EPC1: variants seen among roughly 807,000 people sequenced by gnomAD.
The protein encoded by EPC1 is enhancer of polycomb 1.
In EPC1, 12 loss-of-function variants were observed where a neutral mutation model predicts 98.4. The observed-to-expected ratio is 0.12, with a 90% CI of 0.08 to 0.20. EPC1 has a LOEUF of 0.20. EPC1 is among the 10% of genes least tolerant of loss of function. The probability of loss-of-function intolerance (pLI) is 1.00; values close to 1 mark genes in which losing one functional copy is unlikely to be tolerated. For synonymous variants in EPC1, 357 were observed against 363.9 expected (o/e 0.98, Z 0.21); for missense variants, 729 against 990.5 (o/e 0.74, Z 3.54).
chr10:32,299,238 T>G (rs1457110622), intron 2 of EPC1, among the ~76,000 whole-genome samples: 1 of 152,136 alleles, frequency 6.6e-6, no homozygotes, highest in African/African-American at 2.4e-5. Flanking sequence ...CAGACTGGAG[T>G]GCAGTGGCGT....
chr10:32,347,786 T>C (rs1157903287), upstream of EPC1, among the ~76,000 whole-genome samples: 22 of 152,244 alleles, frequency 1.4e-4, no homozygotes, highest in Admixed American at 1.4e-3. Context: ...TTATCAGCAG[T>C]TATTTTTATG....
chr10:32,275,898 T>C (rs1369832286), intron 10 of EPC1, among the ~76,000 whole-genome samples: 3 of 151,810 alleles, frequency 2.0e-5, no homozygotes, highest in East Asian at 1.9e-4. Flanking sequence ...TATCACACCA[T>C]TGCACTCTAA....
rs762448758 is a variant in EPC1 at position 32,287,116 on chromosome 10, G to A, written c.1134C>T (p.Asp378=). ...DLNQYDFPSS[D]EEPLSQVLSG... ...TTTGTACCTGGGAGAGAGGTTCTTC[G>A]TCTGAGCTGGGAAAGTCATACTGAT... Residue 378 remains aspartate (D), a synonymous_variant, in exon 7 of 14, where the codon GAC becomes GAT. Transcript: ENST00000319778. The A allele has an allele frequency of 1.1e-5, 17 of 1,614,044 alleles. No individual in the cohort carries two copies. The highest frequency in any genetic ancestry group is 6.7e-5 in the African/African-American group (5 of 74,908).
In EPC1 at chr10:32,285,042, A is replaced by G; in HGVS notation, c.1400T>C (p.Leu467Pro). 1 of 1,603,260 alleles carries G rather than the reference A, an allele frequency of 6.2e-7. No individual in the cohort carries two copies. The highest frequency in any genetic ancestry group is 8.5e-7 in the Non-Finnish European group (1 of 1,173,852). Residue 467 changes from leucine (L) to proline (P), a missense_variant, in exon 10 of 14, where the codon CTG becomes CCG. This residue lies in a region of EPC1 where 390 missense variants were observed against 438.6 expected (regional missense o/e 0.89). Transcript: ENST00000319778. The stretch of plus-strand genomic sequence containing the variant: ...GTCATAGTCTGAATGAGCTCTGTCC[A>G]GTAAGACCCTATTAAAAAATCAGAC... ...RRVGRGGRVL[L>P]DRAHSDYDSV...
rs1839325424 is a variant in EPC1, at chr10:32,357,901, C to T, written c.3+20590G>A. ...GACAGAGTCTCACTCTGTTGCCAGG[C>T]TGGAATGTAATGGCATGATCTCCAC... On this transcript the variant is annotated intron_variant, in intron 1 of 13. Coordinates refer to the EPC1 transcript ENST00000375110. Among the ~76,000 whole-genome samples the T allele has an allele frequency of 2.2e-5, 3 of 137,822 alleles. No homozygotes were observed. The Admixed American group carries it at 2.3e-4, about 11-fold the overall frequency. The allele number at this position is 137,822 out of a possible 152,430, so 90.4% of individuals were successfully genotyped here. A position where few individuals can be genotyped will look rare whatever the true frequency, so the allele number is the denominator to read the frequency against.
At chr10:32,365,550 T>C (rs896377837) in intron 1 of EPC1, among the ~76,000 whole-genome samples, 1 of 152,080 alleles carries the variant, frequency 6.6e-6, no homozygotes, top group East Asian at 1.9e-4. Context: ...ACGTGGTTCA[T>C]GCATGTAATC....
chr10:32,362,346 CA>C (rs773949121), intron 1 of EPC1, among the ~76,000 whole-genome samples: 5 of 151,740 alleles, frequency 3.3e-5, no homozygotes, highest in Admixed American at 1.3e-4. Context: ...CTGCTTGGAT[CA>C]GGGGGTGGAT....
intron 2 of EPC1, among the ~76,000 whole-genome samples, chr10:32,294,765 TC>T (rs1335068281): frequency 6.6e-6 from 1 of 152,196 alleles, no homozygotes; most frequent in Non-Finnish European, 1.5e-5. Flanking sequence ...TTGTCTCACA[TC>T]TTTCCCTTAC....
At chr10:32,291,660 A>C (rs895448017) in intron 5 of EPC1, 1 of 156,588 alleles carries the variant, frequency 6.4e-6, no homozygotes, top group Admixed American at 6.5e-5. Flanking sequence ...AAAAGAAGAA[A>C]ATTTTGGAAA....
intron 6 of EPC1, 148 bp downstream of exon 6, chr10:32,291,015 G>C (rs1298878709): frequency 1.7e-5 from 11 of 635,902 alleles, no homozygotes; most frequent in Non-Finnish European, 2.9e-5. Flanking sequence ...GACCTCAGGT[G>C]ATCTACCCAC....
At chr10:32,323,756 GCT>G (rs1369926634) in intron 1 of EPC1, among the ~76,000 whole-genome samples, 1 of 152,106 alleles carries the variant, frequency 6.6e-6, no homozygotes. Context: ...ACACATATTA[GCT>G]CTCTGACTAA....
At chr10:32,357,119 AG>A (rs781589113) in intron 1 of EPC1, among the ~76,000 whole-genome samples, 2 of 152,252 alleles carry the variant, frequency 1.3e-5, no homozygotes, top group Non-Finnish European at 2.9e-5. Flanking sequence ...TTCAGGACAT[AG>A]CCAGGGACAC....
chr10:32,328,134 A>G (rs979191275), intron 1 of EPC1, among the ~76,000 whole-genome samples: 3 of 152,216 alleles, frequency 2.0e-5, no homozygotes, highest in Admixed American at 1.3e-4. Context: ...GCAACAAAGG[A>G]AGAGTATCAA....
chr10:32,280,319 G>A (rs1015002115), intron 10 of EPC1, among the ~76,000 whole-genome samples: 2 of 151,860 alleles, frequency 1.3e-5, no homozygotes, highest in Admixed American at 1.3e-4. Context: ...GGGTGTGGTG[G>A]TGCGCACCTG....
chr10:32,340,342 CTATT>C (rs986027574), intron 1 of EPC1, among the ~76,000 whole-genome samples: 2 of 152,102 alleles, frequency 1.3e-5, no homozygotes, highest in African/African-American at 4.8e-5. Context: ...TTTCATATAC[CTATT>C]ACAGCAGGGT....
At chr10:32,351,641 A>G (rs1352503559), upstream of EPC1, among the ~76,000 whole-genome samples, 1 of 151,912 alleles carries the variant, frequency 6.6e-6, no homozygotes, top group Non-Finnish European at 1.5e-5. Context: ...CTGGGCAATA[A>G]GAGCGAAACT....
rs1254692047 is a variant in EPC1, at chr10:32,268,471, G to GT, written c.*591dup. On this transcript the variant is annotated 3_prime_UTR_variant, in exon 14 of 14. Transcript: ENST00000319778. ...TTTTTTTTTTTTTTTGTAAAATTCT[G>GT]TATGTATGTCACCATTTTTTTTCAC... The GT allele has an allele frequency of 3.0e-5, 3 of 99,170 alleles. No individual in the cohort carries two copies. The highest frequency in any genetic ancestry group is 6.0e-5 in the Non-Finnish European group (3 of 49,816). The allele number at this position is 99,170 out of a possible 1,614,324, so 6.1% of individuals were successfully genotyped here. A position where few individuals can be genotyped will look rare whatever the true frequency, so the allele number is the denominator to read the frequency against.
chr10:32,293,556 T>G, intron 3 of EPC1, 36 bp downstream of exon 3: 1 of 1,586,562 alleles, frequency 6.3e-7, no homozygotes, highest in East Asian at 2.2e-5. Flanking sequence ...TTACATAGAA[T>G]ATGTATATAC....
intron 10 of EPC1, chr10:32,282,581 T>G (rs1831502568): frequency 6.6e-6 from 1 of 152,180 alleles, no homozygotes; most frequent in African/African-American, 2.4e-5. Flanking sequence ...GAAGAAAAAT[T>G]ACAAGGTTAC....
Sources: allele counts gnomAD v4.1 joint callset (sites outside exome capture counted in the v4.1 genomes callset), GRCh38; gene constraint gnomAD v4.1.1; regional missense constraint gnomAD v4.1.1; transcripts MANE v1.5; gene names NCBI Gene and HGNC (gene_info 2026-07-23, HGNC 2026-07-21).